Variants in KDM4C observed in about 807,000 individuals in gnomAD.
The protein encoded by KDM4C is lysine-specific demethylase 4C.
In KDM4C, 81 loss-of-function variants were observed where a neutral mutation model predicts 129.3. That is an observed-to-expected ratio of 0.63 (90% CI 0.52 to 0.75). The LOEUF (loss-of-function observed/expected upper bound fraction) is 0.75. Ranked by LOEUF, KDM4C falls within the 30% of genes least tolerant of loss-of-function variation. The pLI, the probability that KDM4C is intolerant of heterozygous loss-of-function variation, is 0.00. For synonymous variants in KDM4C, 573 were observed against 456.1 expected (o/e 1.26, Z -3.26); for missense variants, 1,457 against 1,304.0 (o/e 1.12, Z -1.81).
intron 8 of KDM4C, among the ~76,000 whole-genome samples, chr9:6,949,460 A>C (rs1430346532): frequency 6.6e-6 from 1 of 152,162 alleles, no homozygotes; most frequent in Non-Finnish European, 1.5e-5. Flanking sequence ...AGAGGCTGTA[A>C]TCTCGGCACT....
chr9:6,763,187 G>A (rs1057282769), intron 1 of KDM4C, among the ~76,000 whole-genome samples: 1 of 152,060 alleles, frequency 6.6e-6, no homozygotes, highest in Non-Finnish European at 1.5e-5. Flanking sequence ...TTTCTCTAGG[G>A]AAAAAGTCCT....
intron 5 of KDM4C, among the ~76,000 whole-genome samples, chr9:6,857,942 T>C (rs868222196): frequency 6.7e-6 from 1 of 149,484 alleles, no homozygotes; most frequent in African/African-American, 2.5e-5. Flanking sequence ...TTTTTTTTTT[T>C]TTTTAGAGAT....
rs57251333 is a variant in KDM4C at position 6,745,578 on chromosome 9, C to CA, written c.49+24601dup. ...GCGCAAGAGAATGTGGTCCTGTCTC[C>CA]AAAAAAAAAAAAAAAAAAAATGCCA... On this transcript the variant is annotated intron_variant, in intron 1 of 17. Coordinates refer to the KDM4C transcript ENST00000536108. Among the ~76,000 whole-genome samples the CA allele has an allele frequency of 6.5e-3, 698 of 106,864 alleles. 11 individuals carry two copies. The highest frequency in any genetic ancestry group is 0.052 in the East Asian group (181 of 3,464). The allele number at this position is 106,864 out of a possible 152,430, so 70.1% of individuals were successfully genotyped here. A position where few individuals can be genotyped will look rare whatever the true frequency, so the allele number is the denominator to read the frequency against.
Position 6,792,999 on chromosome 9 carries a change from C to A in KDM4C, c.11C>A (p.Ala4Asp), listed in dbSNP as rs1588298950. The A allele has an allele frequency of 1.9e-6, 3 of 1,614,140 alleles. No individual in the cohort carries two copies. In the East Asian group the frequency reaches 6.7e-5, roughly 36 times the overall value. The change falls in exon 2 of 22, where the codon GCC becomes GAC. Residue 4 changes from alanine to aspartate, a missense_variant. Ala to Asp is a moderately radical substitution (Grantham distance 126, BLOSUM62 -2). Coordinates refer to ENST00000381309, the MANE Select transcript of KDM4C (RefSeq NM_015061.6). ...ACTGCCCTAACCATCATGGAGGTGG[C>A]CGAGGTGGAAAGTCCTCTGAACCCC... MEVAEVESPLNPSC... is the reference protein window; with the variant it reads MEVDEVESPLNPSC...
chr9:6,770,374 A>G (rs1821514745), intron 1 of KDM4C, among the ~76,000 whole-genome samples: 1 of 152,174 alleles, frequency 6.6e-6, no homozygotes, highest in African/African-American at 2.4e-5. Context: ...CAAGCTGTCA[A>G]CTTATCAGTT....
At chr9:7,174,123 G>A (rs1485617238) in intron 21 of KDM4C, among the ~76,000 whole-genome samples, 1 of 152,186 alleles carries the variant, frequency 6.6e-6, no homozygotes, top group Non-Finnish European at 1.5e-5. Context: ...GGGATAGGAA[G>A]GTGTCACAGG....
At chr9:7,109,930 C>T (rs961412510) in intron 18 of KDM4C, among the ~76,000 whole-genome samples, 1 of 152,128 alleles carries the variant, frequency 6.6e-6, no homozygotes, top group Non-Finnish European at 1.5e-5. Context: ...GATCTGATGG[C>T]TTTATAAAGG....
intron 17 of KDM4C, among the ~76,000 whole-genome samples, chr9:7,058,650 G>C (rs1436691346): frequency 6.6e-6 from 1 of 152,134 alleles, no homozygotes; most frequent in Non-Finnish European, 1.5e-5. Flanking sequence ...AAAAAAGCCA[G>C]TTTCACTTAA....
intron 5 of KDM4C, among the ~76,000 whole-genome samples, chr9:6,861,328 A>G (rs757905554): frequency 6.6e-6 from 1 of 152,184 alleles, no homozygotes; most frequent in Non-Finnish European, 1.5e-5. Context: ...AGGTATCACA[A>G]CTTGTATGTC....
intron 15 of KDM4C, among the ~76,000 whole-genome samples, chr9:7,038,081 A>G (rs1423237435): frequency 1.3e-5 from 2 of 152,122 alleles, no homozygotes; most frequent in Non-Finnish European, 2.9e-5. Flanking sequence ...ACACTGAAAG[A>G]GTCTGGAAGA....
At chr9:7,111,550 G>T (rs563166825) in intron 18 of KDM4C, among the ~76,000 whole-genome samples, 1 of 152,230 alleles carries the variant, frequency 6.6e-6, no homozygotes, top group South Asian at 2.1e-4. Context: ...GTAGTAGGTG[G>T]AAGAGCCAGG....
rs750471377 is a variant in KDM4C at position 6,888,063 on chromosome 9, G to A, written c.783G>A (p.Lys261=). 1.3e-5 allele frequency: 19 copies of A among 1,472,448 alleles called. No individual in the cohort carries two copies. Among genetic ancestry groups the A allele is most frequent in the Admixed American group, 1.1e-4 (6 of 56,242 alleles). The allele number at this position is 1,472,448 out of a possible 1,614,324, so 91.2% of individuals were successfully genotyped here. A position where few individuals can be genotyped will look rare whatever the true frequency, so the allele number is the denominator to read the frequency against. ...AGAAATATGGTATTCCCTTTGACAA[G>A]GTATGTTAGTATTCATCTTACACAA... is the stretch of plus-strand genomic sequence containing the variant. ...VLKKYGIPFD[K]ITQEAGEFMI... is the part of the protein sequence containing the mutation. Residue 261 remains lysine (K), a splice_region_variant and synonymous_variant, in exon 7 of 22, where the codon AAG becomes AAA. Coordinates refer to ENST00000381309, the MANE Select transcript of KDM4C (RefSeq NM_015061.6).
intron 16 of KDM4C, among the ~76,000 whole-genome samples, chr9:7,048,202 G>T (rs528247214): frequency 6.6e-6 from 1 of 151,942 alleles, no homozygotes; most frequent in Non-Finnish European, 1.5e-5. Flanking sequence ...CTCTTCCTAT[G>T]CTTGGACCAC....
At chr9:6,754,025 C>A (rs1301444873), upstream of KDM4C, among the ~76,000 whole-genome samples, 2 of 151,676 alleles carry the variant, frequency 1.3e-5, no homozygotes, top group African/African-American at 4.8e-5. Flanking sequence ...CAGGCACCTG[C>A]CACTGTGCCT....
At chr9:6,746,489 G>T (rs1319556222) in intron 1 of KDM4C, among the ~76,000 whole-genome samples, 1 of 143,814 alleles carries the variant, frequency 7.0e-6, no homozygotes, top group African/African-American at 2.5e-5. Flanking sequence ...GGATGGTCTG[G>T]ATCTCCTGAC....
chr9:6,804,550 G>A (rs1203886971), intron 2 of KDM4C, among the ~76,000 whole-genome samples: 1 of 151,894 alleles, frequency 6.6e-6, no homozygotes, highest in Admixed American at 6.6e-5. Context: ...ATGAGGTCAG[G>A]AGTTCAAGAC....
At chr9:7,001,149 G>C (rs1820650229) in intron 12 of KDM4C, among the ~76,000 whole-genome samples, 1 of 152,210 alleles carries the variant, frequency 6.6e-6, no homozygotes, top group Non-Finnish European at 1.5e-5. Flanking sequence ...CCAGGCTTCA[G>C]AGAAATGGTG....
chr9:7,053,881 TAAG>T (rs1356350541), intron 17 of KDM4C, among the ~76,000 whole-genome samples: 1 of 152,188 alleles, frequency 6.6e-6, no homozygotes, highest in Non-Finnish European at 1.5e-5. Flanking sequence ...TAACAAATCT[TAAG>T]AAATGAAAAG....
At chr9:6,915,503 T>A (rs952050032) in intron 8 of KDM4C, among the ~76,000 whole-genome samples, 1 of 152,252 alleles carries the variant, frequency 6.6e-6, no homozygotes, top group East Asian at 1.9e-4. Context: ...ATTGTTACTG[T>A]CTAGTCATTA....
Sources: gnomAD v4.1 joint callset for allele counts (sites outside exome capture counted in the v4.1 genomes callset) on GRCh38, gnomAD v4.1.1 for gene constraint, MANE v1.5 for transcripts, NCBI Gene and HGNC (gene_info 2026-07-23, HGNC 2026-07-21) for gene names.